ESRRG: variants seen among roughly 807,000 people sequenced by gnomAD.
ESRRG encodes estrogen-related receptor gamma.
Under a neutral mutation model 44.0 loss-of-function variants are expected in ESRRG, and 13 were observed. That is an observed-to-expected ratio of 0.30 (90% CI 0.19 to 0.47). ESRRG has a LOEUF of 0.47. Ranked by LOEUF, ESRRG falls within the 20% of genes least tolerant of loss-of-function variation. ESRRG has a pLI of 1.00. For missense variants in ESRRG, 395 were observed against 580.6 expected (o/e 0.68, Z 3.29); for synonymous variants, 215 against 214.6 (o/e 1.00, Z -0.02).
In ESRRG at chr1:216,521,683, G is replaced by A. The variant is rs559471275; in HGVS notation, c.863-2262C>T. On this transcript the variant is annotated intron_variant, in intron 5 of 6. Transcript: ENST00000408911. ...TCCAATCTCCACACATCTTTCTGCC[G>A]AATAATTAAAAGCAGGATGATTAGT... 2.0e-4 allele frequency among the ~76,000 whole-genome samples: 30 copies of A among 152,168 alleles called. No individual in the cohort carries two copies. In the South Asian group the frequency reaches 3.5e-3, roughly 18 times the overall value.
chr1:217,000,762 T>C (rs1365316034), intron 1 of ESRRG: 1 of 152,222 alleles, frequency 6.6e-6, no homozygotes, highest in East Asian at 1.9e-4. Flanking sequence ...CACAGCTTCA[T>C]GTTAGAAAGG....
chr1:216,574,024 A>C (rs2061284624), intron 3 of ESRRG, among the ~76,000 whole-genome samples: 1 of 151,984 alleles, frequency 6.6e-6, no homozygotes, highest in African/African-American at 2.4e-5. Context: ...AACACAAACA[A>C]TTTCTGTTTG....
At chr1:216,698,074 G>A (rs927403848) in intron 1 of ESRRG, among the ~76,000 whole-genome samples, 1 of 152,106 alleles carries the variant, frequency 6.6e-6, no homozygotes, top group Non-Finnish European at 1.5e-5. Flanking sequence ...GTTTCCAGAA[G>A]GGAATTAGAC....
At chr1:216,828,378 T>G (rs1452838763) in intron 2 of ESRRG, among the ~76,000 whole-genome samples, 1 of 151,942 alleles carries the variant, frequency 6.6e-6, no homozygotes, top group Non-Finnish European at 1.5e-5. Context: ...GTTAGTTGGG[T>G]TTTTTGCAAA....
chr1:216,749,370 T>C (rs751158318), intron 2 of ESRRG, among the ~76,000 whole-genome samples: 3 of 152,084 alleles, frequency 2.0e-5, no homozygotes, highest in Non-Finnish European at 4.4e-5. Flanking sequence ...CTGGCTGGAT[T>C]TGGACTTCCT....
At chr1:216,521,202 T>C (rs565744887) in intron 5 of ESRRG, among the ~76,000 whole-genome samples, 108 of 152,264 alleles carry the variant, frequency 7.1e-4, no homozygotes, top group African/African-American at 2.5e-3. Flanking sequence ...TTAATAAATA[T>C]CCTCTTAGAG....
intron 1 of ESRRG, among the ~76,000 whole-genome samples, chr1:216,947,981 C>A (rs1185271542): frequency 6.6e-6 from 1 of 152,130 alleles, no homozygotes; most frequent in Non-Finnish European, 1.5e-5. Flanking sequence ...ACTGTGGATG[C>A]TGTGTATTGA....
chr1:216,867,929 C>T (rs748355951), intron 2 of ESRRG, among the ~76,000 whole-genome samples: 53 of 152,048 alleles, frequency 3.5e-4, no homozygotes, highest in African/African-American at 1.2e-3. Context: ...GCCTGTCACC[C>T]CTAACTCCTG....
intron 3 of ESRRG, among the ~76,000 whole-genome samples, chr1:216,577,419 G>A (rs1439204523): frequency 6.6e-6 from 1 of 151,916 alleles, no homozygotes; most frequent in Admixed American, 6.6e-5. Context: ...TATGAATAAA[G>A]TTATGAATTC....
chr1:216,642,440 C>T (rs1435598666), intron 3 of ESRRG, among the ~76,000 whole-genome samples: 2 of 151,942 alleles, frequency 1.3e-5, no homozygotes, highest in Non-Finnish European at 2.9e-5. Flanking sequence ...GCAGTATCCG[C>T]ACATAAAATA....
At chr1:216,588,473 G>A (rs1302517739) in intron 3 of ESRRG, among the ~76,000 whole-genome samples, 5 of 152,040 alleles carry the variant, frequency 3.3e-5, no homozygotes, top group Non-Finnish European at 7.4e-5. Flanking sequence ...TGGCCTTTAT[G>A]TTCTAGATAT....
intron 5 of ESRRG, among the ~76,000 whole-genome samples, chr1:216,546,681 C>T (rs909720634): frequency 1.3e-5 from 2 of 150,922 alleles, no homozygotes; most frequent in Non-Finnish European, 2.9e-5. Context: ...ATACTATGTG[C>T]TTTAAAAAAA....
At chr1:217,070,646 T>C (rs1442784535) in intron 1 of ESRRG, among the ~76,000 whole-genome samples, 1 of 152,228 alleles carries the variant, frequency 6.6e-6, no homozygotes, top group African/African-American at 2.4e-5. Context: ...CCTCCCAAAG[T>C]GCTGGCATGA....
At chr1:216,899,989 T>C (rs1255815019) in intron 2 of ESRRG, among the ~76,000 whole-genome samples, 1 of 152,226 alleles carries the variant, frequency 6.6e-6, no homozygotes, top group East Asian at 1.9e-4. Context: ...TCACTCACTG[T>C]ATATCACAAT....
chr1:216,528,307 C>T (rs986453256), intron 5 of ESRRG, among the ~76,000 whole-genome samples: 1 of 152,078 alleles, frequency 6.6e-6, no homozygotes, highest in Non-Finnish European at 1.5e-5. Context: ...TAAAGTCCTG[C>T]CTAAATTTAT....
Position 216,568,099 on chromosome 1 carries a change from C to A in ESRRG, c.590-1G>T. On this transcript the variant is annotated splice_acceptor_variant, in intron 3 of 6. Coordinates refer to ENST00000408911, the MANE Select transcript of ESRRG (RefSeq NM_001438.4). LOFTEE classifies it high-confidence loss of function. ...CCACGTACTCTGTCAAGACGCACCC[C>A]TGTGAGCAAAGACAGGCACCGGCTT... is the stretch of plus-strand genomic sequence containing the variant. The A allele has an allele frequency of 6.2e-7, 1 of 1,609,750 alleles. No individual in the cohort carries two copies. Among genetic ancestry groups the A allele is most frequent in the South Asian group, 1.1e-5 (1 of 90,986 alleles).
intron 5 of ESRRG, among the ~76,000 whole-genome samples, chr1:216,523,970 C>T (rs972901458): frequency 2.0e-5 from 3 of 151,994 alleles, no homozygotes; most frequent in South Asian, 2.1e-4. Context: ...AGCAATGCAA[C>T]GTAAGCTAGA....
intron 1 of ESRRG, among the ~76,000 whole-genome samples, chr1:217,127,058 T>C (rs953134298): frequency 3.9e-5 from 6 of 152,216 alleles, no homozygotes; most frequent in African/African-American, 1.4e-4. Flanking sequence ...GATTTCCAAT[T>C]ACGGGGTGTC....
chr1:216,786,990 T>G (rs2094147902), intron 2 of ESRRG, among the ~76,000 whole-genome samples: 1 of 152,088 alleles, frequency 6.6e-6, no homozygotes, highest in Admixed American at 6.6e-5. Context: ...AAATGGAAGG[T>G]TTGTGGCAAC....
Sources: allele counts gnomAD v4.1 joint callset (sites outside exome capture counted in the v4.1 genomes callset), GRCh38; gene constraint gnomAD v4.1.1; transcripts MANE v1.5; gene names NCBI Gene and HGNC (gene_info 2026-07-23, HGNC 2026-07-21).